PRIM2: variants seen among roughly 807,000 people sequenced by gnomAD.
The protein encoded by PRIM2 is DNA primase large subunit.
In PRIM2, 39 loss-of-function variants were observed where a neutral mutation model predicts 67.3. The ratio of observed to expected loss-of-function variants is 0.58; its 90% CI spans 0.45 to 0.76. PRIM2 has a LOEUF of 0.76. PRIM2 is among the 30% of genes least tolerant of loss of function. The pLI, the probability that PRIM2 is intolerant of heterozygous loss-of-function variation, is 0.00. For synonymous variants in PRIM2, 143 were observed against 198.7 expected (o/e 0.72, Z 2.36); for missense variants, 398 against 598.7 (o/e 0.66, Z 3.50).
At chr6:57,368,900 T>A (rs1769455899) in intron 5 of PRIM2, among the ~76,000 whole-genome samples, 1 of 152,200 alleles carries the variant, frequency 6.6e-6, no homozygotes, top group South Asian at 2.1e-4. Context: ...CCCTGCTGTG[T>A]GTCATTTTGT....
At chr6:57,466,327 G>GTATA (rs1475605184) in intron 7 of PRIM2, among the ~76,000 whole-genome samples, 1 of 152,110 alleles carries the variant, frequency 6.6e-6, no homozygotes, top group Non-Finnish European at 1.5e-5. Context: ...AATCCTTTGG[G>GTATA]TATATACCCA....
At chr6:57,573,832 C>T (rs1384583438) in intron 10 of PRIM2, among the ~76,000 whole-genome samples, 11 of 152,268 alleles carry the variant, frequency 7.2e-5, no homozygotes, top group Middle Eastern at 3.4e-3. Context: ...AGAGTTTCCG[C>T]GTAGTTGGTG....
intron 12 of PRIM2, among the ~76,000 whole-genome samples, chr6:57,617,745 G>T (rs1205892385): frequency 1.3e-5 from 2 of 152,098 alleles, no homozygotes; most frequent in South Asian, 4.2e-4. Context: ...GTGGACAAAA[G>T]ATTTTAATTT....
At chr6:57,324,596 A>G (rs1482207334) in intron 4 of PRIM2, among the ~76,000 whole-genome samples, 1 of 152,204 alleles carries the variant, frequency 6.6e-6, no homozygotes, top group Non-Finnish European at 1.5e-5. Context: ...CTGCAAAAAA[A>G]TGGTAATATT....
chr6:57,523,417 C>T (rs1320113182), intron 8 of PRIM2, among the ~76,000 whole-genome samples: 1 of 152,208 alleles, frequency 6.6e-6, no homozygotes, highest in Non-Finnish European at 1.5e-5. Flanking sequence ...CCATGATTGC[C>T]TTGGGCAAAC....
At chr6:57,467,122 A>AAAG in intron 7 of PRIM2, among the ~76,000 whole-genome samples, 1 of 147,710 alleles carries the variant, frequency 6.8e-6, no homozygotes, top group Non-Finnish European at 1.5e-5. Context: ...AAAAAAAAAG[A>AAAG]AAAGAAAAAA....
intron 10 of PRIM2, among the ~76,000 whole-genome samples, chr6:57,579,496 CAT>C (rs1484201335): frequency 1.3e-5 from 2 of 152,050 alleles, no homozygotes; most frequent in African/African-American, 2.4e-5. Flanking sequence ...TAGAAGATAA[CAT>C]GTAATCTAAT....
chr6:57,381,341 A>T lies in PRIM2; in HGVS notation c.556-690A>T, dbSNP rs538787064. Among the ~76,000 whole-genome samples, 164 of 152,250 alleles carry T rather than the reference A, an allele frequency of 1.1e-3. 1 individual carries two copies. The highest frequency in any genetic ancestry group is 3.7e-3 in the African/African-American group (155 of 41,542). On this transcript the variant is annotated intron_variant, in intron 6 of 13. Transcript: ENST00000615550. ...GAATCATTTTTCACCTAATTTTTTA[A>T]CCTCGTTTTTTAAAAAAGAAAAATT...
intron 7 of PRIM2, among the ~76,000 whole-genome samples, chr6:57,456,821 T>C (rs1772803833): frequency 1.3e-5 from 2 of 152,200 alleles, no homozygotes; most frequent in African/African-American, 4.8e-5. Flanking sequence ...CTTTGTTCTG[T>C]TGCTGGTGAG....
chr6:57,554,683 C>G (rs1214762091), intron 10 of PRIM2, among the ~76,000 whole-genome samples: 1 of 152,188 alleles, frequency 6.6e-6, no homozygotes, highest in Admixed American at 6.5e-5. Context: ...TGCACCTAGT[C>G]TTTTCTTAGT....
intron 7 of PRIM2, among the ~76,000 whole-genome samples, chr6:57,428,981 C>G (rs1581895663): frequency 6.6e-6 from 1 of 152,300 alleles, no homozygotes; most frequent in East Asian, 1.9e-4. Flanking sequence ...ATAGAACTTT[C>G]TCATCATCCA....
the PRIM2 span, among the ~76,000 whole-genome samples, chr6:57,248,781 A>G: frequency 6.6e-6 from 1 of 152,224 alleles, no homozygotes; most frequent in African/African-American, 2.4e-5. Flanking sequence ...GTAGCCTCTG[A>G]TATCCAGTCA....
At chr6:57,627,843 G>GT (rs1562806248) in intron 12 of PRIM2, among the ~76,000 whole-genome samples, 1 of 152,138 alleles carries the variant, frequency 6.6e-6, no homozygotes, top group Non-Finnish European at 1.5e-5. Flanking sequence ...CTTTATATGA[G>GT]TTTTTTCTTC....
At chr6:57,281,338 G>A in the PRIM2 span, among the ~76,000 whole-genome samples, 13 of 152,000 alleles carry the variant, frequency 8.6e-5, no homozygotes, top group African/African-American at 2.9e-4. Flanking sequence ...GCTGGATCAC[G>A]TTCTGTTTTC....
intron 5 of PRIM2, among the ~76,000 whole-genome samples, chr6:57,368,970 C>T (rs1769458064): frequency 6.6e-6 from 1 of 152,138 alleles, no homozygotes; most frequent in African/African-American, 2.4e-5. Context: ...GTTGCTGCGG[C>T]AAAAGGAGGA....
At chr6:57,292,107 G>A in the PRIM2 span, among the ~76,000 whole-genome samples, 9 of 152,126 alleles carry the variant, frequency 5.9e-5, no homozygotes, top group East Asian at 3.9e-4. Flanking sequence ...CCATCGTCTC[G>A]GCCCCAAATC....
intron 10 of PRIM2, among the ~76,000 whole-genome samples, chr6:57,595,270 GGCCACT>G (rs1776345870): frequency 6.6e-6 from 1 of 152,110 alleles, no homozygotes; most frequent in Non-Finnish European, 1.5e-5. Flanking sequence ...GAATGTTCAT[GGCCACT>G]TGATTGAGAA....
chr6:57,552,929 A>T (rs1452961275), intron 10 of PRIM2, among the ~76,000 whole-genome samples: 2 of 152,006 alleles, frequency 1.3e-5, no homozygotes, highest in African/African-American at 4.8e-5. Context: ...TTCATCTCAG[A>T]TTTTCTCCAC....
rs1233960568 is a variant in PRIM2 at position 57,528,140 on chromosome 6, T to A, written c.762-4271T>A. ...CACCACACCCAGCTAATTTTTTTTT[T>A]TTTTTTTATAGCGATGATGTCTTGC... On this transcript the variant is annotated intron_variant, in intron 8 of 13. Transcript: ENST00000615550. Among the ~76,000 whole-genome samples the A allele has an allele frequency of 3.3e-5, 5 of 151,832 alleles. No individual in the cohort carries two copies. The East Asian group carries it at 9.7e-4, about 29-fold the overall frequency.
Sources: allele counts gnomAD v4.1 joint callset (sites outside exome capture counted in the v4.1 genomes callset), GRCh38; gene constraint gnomAD v4.1.1; transcripts MANE v1.5; gene names NCBI Gene and HGNC (gene_info 2026-07-23, HGNC 2026-07-21).